UBE2D3: variants seen among roughly 807,000 people sequenced by gnomAD.
UBE2D3 encodes ubiquitin conjugating enzyme E2 D3, also known as ubiquitin-conjugating enzyme E2 D3.
UBE2D3 carries 2 observed loss-of-function variants against 22.8 expected under a neutral mutation model. The observed-to-expected ratio is 0.09, with a 90% CI of 0.04 to 0.28. UBE2D3 has a LOEUF of 0.28. Among genes scored for constraint, UBE2D3 ranks in the 10% least tolerant of loss-of-function variants. The probability of loss-of-function intolerance (pLI) is 1.00; values close to 1 mark genes in which losing one functional copy is unlikely to be tolerated. For synonymous variants in UBE2D3, 56 were observed against 60.4 expected, an observed-to-expected ratio of 0.93 and a Z score of 0.34; for missense variants, 27 against 182.5, an observed-to-expected ratio of 0.15 and a Z score of 4.91.
At chr4:102,868,748 C>G in exon 1 of UBE2D3, 1 of 1,614,112 alleles carries the variant, frequency 6.2e-7, no homozygotes, top group Non-Finnish European at 8.5e-7. Flanking sequence ...AAAGCATTCT[C>G]ACATGCTTAT....
intron 1 of UBE2D3, chr4:102,844,146 A>G (rs1175793095): frequency 1.3e-5 from 2 of 152,232 alleles, no homozygotes; most frequent in Non-Finnish European, 2.9e-5. Flanking sequence ...TCTATGATGC[A>G]TCTGGTGGCC....
intron 1 of UBE2D3, among the ~76,000 whole-genome samples, chr4:102,863,995 G>A (rs1220281889): frequency 1.3e-5 from 2 of 151,914 alleles, no homozygotes; most frequent in Non-Finnish European, 2.9e-5. Flanking sequence ...AAAAAACAAG[G>A]TGCAGCTAAT....
chr4:102,819,635 A>C, intron 2 of UBE2D3: 1 of 984,604 alleles, frequency 1.0e-6, no homozygotes, highest in East Asian at 1.1e-4. Flanking sequence ...GGCTTGTCAA[A>C]ATTCAAAAGC....
At chr4:102,827,009 C>T in intron 1 of UBE2D3, 2 of 995,464 alleles carry the variant, frequency 2.0e-6, no homozygotes, top group South Asian at 4.3e-5. Context: ...GCATAAGACT[C>T]CGGACGGACG....
At chr4:102,798,295 T>TATATATATATATATATATATATATATGC (rs796347600) in intron 7 of UBE2D3, among the ~76,000 whole-genome samples, 2 of 148,000 alleles carry the variant, frequency 1.4e-5, no homozygotes, top group East Asian at 2.0e-4. Flanking sequence ...TATATATATA[T>TATATATATATATATATATATATATATGC]ATGCACAGGA....
chr4:102,799,076 CA>C, intron 7 of UBE2D3: 1 of 1,282,858 alleles, frequency 7.8e-7, no homozygotes. Flanking sequence ...AAATTTAGAC[CA>C]AATTTTTACA....
At chr4:102,840,708 G>A (rs545582207) in intron 1 of UBE2D3, among the ~76,000 whole-genome samples, 62 of 152,278 alleles carry the variant, frequency 4.1e-4, no homozygotes, top group Middle Eastern at 6.8e-3. Flanking sequence ...TTTTAAAGTA[G>A]CTAGGAGAGA....
intron 2 of UBE2D3, chr4:102,811,599 T>C (rs1270838337): frequency 2.0e-5 from 6 of 307,612 alleles, no homozygotes; most frequent in Non-Finnish European, 3.2e-5. Context: ...GAGAATCACT[T>C]GAACCTGGGA....
At chr4:102,798,295 T>TATATATATATATATGC (rs796347600) in intron 7 of UBE2D3, among the ~76,000 whole-genome samples, 4 of 147,950 alleles carry the variant, frequency 2.7e-5, no homozygotes, top group African/African-American at 1.0e-4. Context: ...TATATATATA[T>TATATATATATATATGC]ATGCACAGGA....
intron 4 of UBE2D3, among the ~76,000 whole-genome samples, chr4:102,802,915 A>G (rs929490722): frequency 6.6e-6 from 1 of 152,226 alleles, no homozygotes; most frequent in African/African-American, 2.4e-5. Context: ...TCAATTCTCA[A>G]AAGTACAACA....
intron 2 of UBE2D3, chr4:102,825,745 G>T (rs1730354093): frequency 8.1e-6 from 4 of 492,448 alleles, no homozygotes; most frequent in East Asian, 6.9e-5. Flanking sequence ...TACTGCCATC[G>T]CACCCCTTAT....
At chr4:102,843,195 G>C (rs574127874) in intron 1 of UBE2D3, 4 of 152,292 alleles carry the variant, frequency 2.6e-5, no homozygotes, top group East Asian at 3.9e-4. Context: ...TAATGTAGGA[G>C]AGATGTTATA....
chr4:102,798,209 T>C (rs1725503831), intron 7 of UBE2D3, among the ~76,000 whole-genome samples: 1 of 144,630 alleles, frequency 6.9e-6, no homozygotes, highest in African/African-American at 2.6e-5. Flanking sequence ...TACTATCAGC[T>C]TCCCCCTGGA....
At chr4:102,862,424 G>A (rs917573284) in intron 1 of UBE2D3, among the ~76,000 whole-genome samples, 8 of 151,678 alleles carry the variant, frequency 5.3e-5, no homozygotes, top group Non-Finnish European at 1.2e-4. Context: ...CTTTTAATTT[G>A]TTAAAGCATA....
intron 1 of UBE2D3, among the ~76,000 whole-genome samples, chr4:102,841,244 A>G (rs1731740494): frequency 6.6e-6 from 1 of 152,166 alleles, no homozygotes; most frequent in Non-Finnish European, 1.5e-5. Context: ...TATGTAGGAG[A>G]CAGAACATTC....
At position 102,819,718 on chromosome 4, in the gene UBE2D3, A is replaced by G. The variant is rs78035808; in HGVS notation, c.24+6767T>C. On this transcript the variant is annotated intron_variant, in intron 2 of 7. Transcript: ENST00000453744. ...AAAATTATCACCACGATGTTCCACA[A>G]ATCATTTGTTATCCCAATCTCTACC... 6.7e-3 allele frequency: 2,878 copies of G among 432,544 alleles called. 73 individuals are homozygous for G. The highest frequency in any genetic ancestry group is 0.053 in the African/African-American group (2,476 of 46,442). The allele number at this position is 432,544 out of a possible 1,614,324, so 26.8% of individuals were successfully genotyped here.
chr4:102,851,672 GTT>G (rs11422292), intron 1 of UBE2D3, among the ~76,000 whole-genome samples: 12 of 137,144 alleles, frequency 8.7e-5, no homozygotes, highest in Admixed American at 1.5e-4. Flanking sequence ...TTTGTTTTTT[GTT>G]TTTTTTTTTT....
At chr4:102,841,325 T>C (rs1028956434) in intron 1 of UBE2D3, among the ~76,000 whole-genome samples, 1 of 152,184 alleles carries the variant, frequency 6.6e-6, no homozygotes, top group Non-Finnish European at 1.5e-5. Context: ...ATATTAATGG[T>C]AACTTAGTTG....
intron 2 of UBE2D3, among the ~76,000 whole-genome samples, chr4:102,824,669 G>T (rs761726461): frequency 6.6e-6 from 1 of 152,170 alleles, no homozygotes; most frequent in Admixed American, 6.5e-5. Flanking sequence ...GGTATGACCT[G>T]TAAGAGAAAA....
Sources: gnomAD v4.1 joint callset for allele counts (sites outside exome capture counted in the v4.1 genomes callset) on GRCh38, gnomAD v4.1.1 for gene constraint, MANE v1.5 for transcripts, NCBI Gene and HGNC (gene_info 2026-07-23, HGNC 2026-07-21) for gene names.